Variants in CHP1 observed in about 807,000 individuals in gnomAD.
CHP1 encodes calcineurin B homologous protein 1.
Under a neutral mutation model 27.4 loss-of-function variants are expected in CHP1, and 11 were observed. The ratio of observed to expected loss-of-function variants is 0.40; its 90% CI spans 0.25 to 0.67. CHP1 has a LOEUF of 0.67. Among genes scored for constraint, CHP1 ranks in the 30% least tolerant of loss-of-function variants. The pLI, the probability that CHP1 is intolerant of heterozygous loss-of-function variation, is 0.38. For missense variants in CHP1, 169 were observed against 251.3 expected (o/e 0.67, Z 2.22); for synonymous variants, 89 against 87.4 (o/e 1.02, Z -0.10).
At chr15:41,234,304 G>T (rs1201226298) in intron 1 of CHP1, 3 of 151,940 alleles carry the variant, frequency 2.0e-5, no homozygotes, top group African/African-American at 7.2e-5. Context: ...AAAAGATTTT[G>T]AAGAATAAAA....
Position 41,231,283 on chromosome 15 carries a change from C to A in CHP1, c.-100C>A. ...CCGGGTCCGCAGTGGAAACACTGCC[C>A]TCTCCCTTCTTGACCCCTAGCCCTT... On this transcript the variant is annotated 5_prime_UTR_variant, in exon 1 of 7. Coordinates refer to ENST00000334660, the MANE Select transcript of CHP1 (RefSeq NM_007236.5). 5 of 1,203,364 alleles carry A rather than the reference C, an allele frequency of 4.2e-6. No individual in the cohort carries two copies. Among genetic ancestry groups the A allele is most frequent in the Non-Finnish European group, 6.0e-6 (5 of 834,766 alleles). The allele number at this position is 1,203,364 out of a possible 1,614,324, so 74.5% of individuals were successfully genotyped here.
intron 5 of CHP1, among the ~76,000 whole-genome samples, chr15:41,274,248 C>T (rs1337446100): frequency 1.3e-5 from 2 of 152,030 alleles, no homozygotes; most frequent in Admixed American, 1.3e-4. Flanking sequence ...CATGAGCCAC[C>T]GCACCTGGCC....
intron 1 of CHP1, among the ~76,000 whole-genome samples, chr15:41,237,714 G>A (rs1268667715): frequency 6.6e-6 from 1 of 152,010 alleles, no homozygotes; most frequent in Non-Finnish European, 1.5e-5. Context: ...ATAAAGGCAA[G>A]GACAAAATAA....
chr15:41,247,861 C>A (rs971060825), intron 2 of CHP1, among the ~76,000 whole-genome samples: 1 of 140,446 alleles, frequency 7.1e-6, no homozygotes. Flanking sequence ...CCCAGCTACT[C>A]GGGAGGCTGA....
In CHP1 at chr15:41,270,538, TTG is replaced by T. The variant is rs762639987; in HGVS notation, c.350-15_350-14del. The T allele has an allele frequency of 3.1e-6, 5 of 1,605,336 alleles. No homozygotes were observed. The highest frequency in any genetic ancestry group is 3.4e-6 in the Non-Finnish European group (4 of 1,172,226). On this transcript the variant is annotated splice_polypyrimidine_tract_variant and intron_variant, in intron 4 of 6. Transcript: ENST00000334660. The stretch of plus-strand genomic sequence containing the variant: ...ACACACTACAGAATTTTGACTAACT[TTG>T]TGTTTTTCCCTTACAGTTGCTTTTC...
At chr15:41,232,038 C>T (rs1866400) in intron 1 of CHP1, among the ~76,000 whole-genome samples, 40,815 of 151,716 alleles carry the variant, frequency 0.27, 7,244 homozygotes, top group African/African-American at 0.5. Context: ...ATCTGAACTT[C>T]TAGAGAAAAA....
intron 1 of CHP1, among the ~76,000 whole-genome samples, chr15:41,239,258 T>C (rs1032128996): frequency 2.0e-5 from 3 of 152,180 alleles, no homozygotes; most frequent in African/African-American, 7.2e-5. Flanking sequence ...GTATTAAAAG[T>C]TGACATTTGG....
intron 1 of CHP1, among the ~76,000 whole-genome samples, chr15:41,243,309 C>T (rs1434788226): frequency 6.6e-6 from 1 of 152,210 alleles, no homozygotes; most frequent in East Asian, 1.9e-4. Flanking sequence ...CACTGCACTC[C>T]AGCCTGGGTG....
chr15:41,259,548 A>T (rs2047421011), intron 3 of CHP1, among the ~76,000 whole-genome samples: 2 of 147,738 alleles, frequency 1.4e-5, no homozygotes, highest in Non-Finnish European at 3.0e-5. Flanking sequence ...TTTTTTAAAG[A>T]ATGAGATTTG....
At chr15:41,273,748 A>G (rs1347875547) in intron 5 of CHP1, among the ~76,000 whole-genome samples, 1 of 151,738 alleles carries the variant, frequency 6.6e-6, no homozygotes. Context: ...TTAAATCGAT[A>G]AAGAATATAT....
At chr15:41,278,732 A>G (rs1231952322) in intron 5 of CHP1, 35 bp from the exon 6 acceptor site, 1 of 1,613,684 alleles carries the variant, frequency 6.2e-7, no homozygotes, top group Non-Finnish European at 8.5e-7. Flanking sequence ...TCTGATTCCC[A>G]AGGCCCTTGT....
At chr15:41,239,575 T>C (rs2047295600) in intron 1 of CHP1, among the ~76,000 whole-genome samples, 1 of 151,534 alleles carries the variant, frequency 6.6e-6, no homozygotes, top group Admixed American at 6.6e-5. Flanking sequence ...TTTGTATTTT[T>C]AGTAGAGACA....
intron 1 of CHP1, among the ~76,000 whole-genome samples, chr15:41,236,296 C>G (rs1398818201): frequency 6.6e-6 from 1 of 152,096 alleles, no homozygotes; most frequent in Non-Finnish European, 1.5e-5. Flanking sequence ...GGGTCTTGCT[C>G]TGTCATCCAG....
chr15:41,244,219 G>T (rs993271079), intron 2 of CHP1, among the ~76,000 whole-genome samples: 12 of 151,450 alleles, frequency 7.9e-5, no homozygotes, highest in African/African-American at 2.4e-4. Context: ...AAAAACAGCG[G>T]AACTATGACA....
intron 2 of CHP1, among the ~76,000 whole-genome samples, chr15:41,253,717 G>A (rs2047383360): frequency 6.6e-6 from 1 of 151,842 alleles, no homozygotes; most frequent in African/African-American, 2.4e-5. Flanking sequence ...GCCTCCCAAA[G>A]TGCTGGGATT....
At chr15:41,258,092 A>ATACATACATACATGCCTACATGTACG in intron 3 of CHP1, among the ~76,000 whole-genome samples, 1 of 152,120 alleles carries the variant, frequency 6.6e-6, no homozygotes, top group Non-Finnish European at 1.5e-5. Flanking sequence ...GTGTGTGTAT[A>ATACATACATACATGCCTACATGTACG]TACATACATA....
At chr15:41,260,939 A>G (rs1246827490) in intron 3 of CHP1, among the ~76,000 whole-genome samples, 1 of 152,068 alleles carries the variant, frequency 6.6e-6, no homozygotes, top group Admixed American at 6.6e-5. Flanking sequence ...GCTGGAGTGC[A>G]GTGGCGCAGT....
chr15:41,257,495 T>C (rs1473676904), intron 3 of CHP1, among the ~76,000 whole-genome samples: 1 of 151,338 alleles, frequency 6.6e-6, no homozygotes, highest in African/African-American at 2.4e-5. Context: ...ATATATTTTA[T>C]TTAATATATT....
chr15:41,258,584 T>C (rs554380768), intron 3 of CHP1, among the ~76,000 whole-genome samples: 2 of 152,338 alleles, frequency 1.3e-5, no homozygotes, highest in African/African-American at 4.8e-5. Context: ...ATATGCTTTG[T>C]CAAGTAGATT....
Sources: gnomAD v4.1 joint callset for allele counts (sites outside exome capture counted in the v4.1 genomes callset) on GRCh38, gnomAD v4.1.1 for gene constraint, MANE v1.5 for transcripts, NCBI Gene and HGNC (gene_info 2026-07-23, HGNC 2026-07-21) for gene names.